GTF3C6: variants seen among roughly 807,000 people sequenced by gnomAD.
GTF3C6 encodes general transcription factor 3C polypeptide 6.
Under a neutral mutation model 19.2 loss-of-function variants are expected in GTF3C6, and 11 were observed. That is an observed-to-expected ratio of 0.57 (90% CI 0.36 to 0.95). GTF3C6 has a LOEUF of 0.95. Among genes scored for constraint, GTF3C6 ranks in the 40% least tolerant of loss-of-function variants. The pLI, the probability that GTF3C6 is intolerant of heterozygous loss-of-function variation, is 0.01. For missense variants in GTF3C6, 222 were observed against 254.7 expected (o/e 0.87, Z 0.87); for synonymous variants, 87 against 84.2 (o/e 1.03, Z -0.18).
At chr6:110,959,752 G>A (rs1286291432) in intron 2 of GTF3C6, among the ~76,000 whole-genome samples, 1 of 152,160 alleles carries the variant, frequency 6.6e-6, no homozygotes. Context: ...GAGCCCAGGA[G>A]TTCGAGACCA....
chr6:110,959,380 A>G (rs1461850985), intron 2 of GTF3C6, 128 bp downstream of exon 2: 2 of 636,396 alleles, frequency 3.1e-6, no homozygotes, highest in Non-Finnish European at 2.8e-6. Context: ...AACTCTAAGG[A>G]TAAGAAGTAT....
At chr6:110,966,386 A>G (rs1460722507) in intron 5 of GTF3C6, among the ~76,000 whole-genome samples, 1 of 152,090 alleles carries the variant, frequency 6.6e-6, no homozygotes, top group African/African-American at 2.4e-5. Context: ...CTGAGGTGGG[A>G]GAATTGCTTG....
chr6:110,962,389 C>A lies in GTF3C6; in HGVS notation c.248-3C>A. The A allele has an allele frequency of 6.8e-7, 1 of 1,470,968 alleles. No individual in the cohort carries two copies. The highest frequency in any genetic ancestry group is 9.5e-7 in the Non-Finnish European group (1 of 1,051,620). The allele number at this position is 1,470,968 out of a possible 1,614,324, so 91.1% of individuals were successfully genotyped here. A position where few individuals can be genotyped will look rare whatever the true frequency, so the allele number is the denominator to read the frequency against. On this transcript the variant is annotated splice_polypyrimidine_tract_variant and splice_region_variant and intron_variant, in intron 4 of 5. Coordinates refer to ENST00000329970, the MANE Select transcript of GTF3C6 (RefSeq NM_138408.4). ...ATAATAATGTTGTTCATTTCTGTTC[C>A]AGCTGATACAGAAGGCAATAATAAA...
intron 5 of GTF3C6, among the ~76,000 whole-genome samples, chr6:110,966,333 C>G (rs1771229120): frequency 6.6e-6 from 1 of 152,028 alleles, no homozygotes. Flanking sequence ...AAAAATTAGC[C>G]AGGTATGGTG....
intron 5 of GTF3C6, among the ~76,000 whole-genome samples, chr6:110,963,645 C>T (rs1226205623): frequency 1.3e-5 from 2 of 151,336 alleles, no homozygotes; most frequent in Non-Finnish European, 2.9e-5. Context: ...GTGAAATCCC[C>T]TGGAAACTTC....
intron 5 of GTF3C6, among the ~76,000 whole-genome samples, chr6:110,964,278 T>TC (rs1261961130): frequency 1.3e-5 from 2 of 151,866 alleles, no homozygotes; most frequent in African/African-American, 4.8e-5. Context: ...GGAGTTTCAC[T>TC]CCGTCGCCCA....
intron 5 of GTF3C6, among the ~76,000 whole-genome samples, chr6:110,966,621 G>A (rs1771232369): frequency 6.6e-6 from 1 of 152,178 alleles, no homozygotes; most frequent in African/African-American, 2.4e-5. Context: ...CTACATGCTG[G>A]AGGCAAAACA....
intron 5 of GTF3C6, among the ~76,000 whole-genome samples, chr6:110,966,881 G>A (rs538680491): frequency 9.9e-5 from 15 of 152,260 alleles, no homozygotes; most frequent in Admixed American, 6.5e-4. Flanking sequence ...ATAACCAGGC[G>A]CAGTGGGTCA....
intron 5 of GTF3C6, among the ~76,000 whole-genome samples, chr6:110,966,969 CAT>C (rs1366150286): frequency 6.6e-6 from 1 of 152,010 alleles, no homozygotes; most frequent in Admixed American, 6.6e-5. Context: ...GCCTGGCCAA[CAT>C]AGTGAAATTC....
chr6:110,962,361 A>G, intron 4 of GTF3C6, 31 bp from the exon 5 acceptor site: 1 of 1,124,796 alleles, frequency 8.9e-7, no homozygotes, highest in Non-Finnish European at 1.3e-6. Flanking sequence ...TGGCATAAGA[A>G]GTATAATAAT....
At position 110,958,794 on chromosome 6, in the gene GTF3C6, A is replaced by C. The variant is rs998296237; in HGVS notation, c.25A>C (p.Ser9Arg). MAAAADER[S>R]PEDGEDEEEE... The stretch of plus-strand genomic sequence containing the variant: ...CATGGCGGCGGCGGCGGACGAGCGG[A>C]GTCCAGAGGACGGAGAAGACGAGGA... The change falls in exon 1 of 6, where the codon AGT (serine) becomes CGT (arginine). Residue 9 changes from serine to arginine, a missense_variant. Coordinates refer to ENST00000329970, the MANE Select transcript of GTF3C6 (RefSeq NM_138408.4). The C allele has an allele frequency of 3.4e-5, 53 of 1,551,082 alleles. 2 individuals are homozygous for C. Among genetic ancestry groups the C allele is most frequent in the Middle Eastern group, 1.7e-4 (1 of 5,904 alleles).
At position 110,960,407 on chromosome 6, in the gene GTF3C6, G is replaced by T. The variant is rs201447920; in HGVS notation, c.139-7G>T. 6.2e-7 allele frequency: 1 copy of T among 1,607,330 alleles called. No homozygotes were observed. Among genetic ancestry groups the T allele is most frequent in the Non-Finnish European group, 8.5e-7 (1 of 1,176,482 alleles). On this transcript the variant is annotated splice_polypyrimidine_tract_variant and splice_region_variant and intron_variant, in intron 2 of 5. Transcript: ENST00000329970. Reference sequence around the variant, plus strand: ...TTTTTTTTTTATGATCCTTTATTCTGTTGTAGGGCATTGACACTGAGAGGC... The same window carrying T: ...TTTTTTTTTTATGATCCTTTATTCTTTTGTAGGGCATTGACACTGAGAGGC...
At chr6:110,961,157 C>CT (rs879597719) in intron 4 of GTF3C6, among the ~76,000 whole-genome samples, 114 of 145,482 alleles carry the variant, frequency 7.8e-4, no homozygotes, top group African/African-American at 9.5e-4. Context: ...CTCCTGAATT[C>CT]TTTTTTTTTT....
At position 110,960,405 on chromosome 6, in the gene GTF3C6, C is replaced by G. The variant is rs779833348; in HGVS notation, c.139-9C>G. 56 of 1,592,696 alleles carry G rather than the reference C, an allele frequency of 3.5e-5. No individual in the cohort carries two copies. The highest frequency in any genetic ancestry group is 4.8e-5 in the Non-Finnish European group (56 of 1,171,398). ...TGTTTTTTTTTTATGATCCTTTATT[C>G]TGTTGTAGGGCATTGACACTGAGAG... is the stretch of plus-strand genomic sequence containing the variant. On this transcript the variant is annotated splice_polypyrimidine_tract_variant and intron_variant, in intron 2 of 5. Coordinates refer to ENST00000329970, the MANE Select transcript of GTF3C6 (RefSeq NM_138408.4).
rs1771138355 is a variant in GTF3C6, at chr6:110,959,970, A to AT, written c.139-444_139-443insT. ...CAAAACTCCATCTCAATAAAAAAAA[A>AT]AAATAATAATAATAATAAATTAGCT... On this transcript the variant is annotated intron_variant, in intron 2 of 5. Coordinates refer to ENST00000329970, the MANE Select transcript of GTF3C6 (RefSeq NM_138408.4). Among the ~76,000 whole-genome samples, 13 of 151,978 alleles carry AT rather than the reference A, an allele frequency of 8.6e-5. No homozygotes were observed. The Admixed American group carries it at 8.6e-4, about 10-fold the overall frequency.
At chr6:110,960,050 G>C (rs967629592) in intron 2 of GTF3C6, among the ~76,000 whole-genome samples, 2 of 152,140 alleles carry the variant, frequency 1.3e-5, no homozygotes, top group South Asian at 4.1e-4. Context: ...GAGGTGGGAG[G>C]ATTGCCTGAA....
At chr6:110,961,019 C>T (rs1057489646) in intron 4 of GTF3C6, among the ~76,000 whole-genome samples, 1 of 151,954 alleles carries the variant, frequency 6.6e-6, no homozygotes, top group African/African-American at 2.4e-5. Context: ...GCACTTCAGC[C>T]TGGGCAACAG....
intron 1 of GTF3C6, 116 bp from the exon 2 acceptor site, chr6:110,959,030 GAAGTTACCTTAGGTAGCGTAGTTTCC>G (rs1771123393): frequency 1.2e-6 from 1 of 826,546 alleles, no homozygotes; most frequent in Non-Finnish European, 2.0e-6. Flanking sequence ...GAAGTACCGG[GAAGTTACCTTAGGTAGCGTAGTTTCC>G]TCTTGCTGAA....
intron 1 of GTF3C6, 75 bp downstream of exon 1, chr6:110,958,901 T>A: frequency 2.0e-6 from 3 of 1,473,378 alleles, no homozygotes; most frequent in South Asian, 2.5e-5. Context: ...GGGAAGGGAG[T>A]TGGGGAGCTG....
Sources: gnomAD v4.1 joint callset for allele counts (sites outside exome capture counted in the v4.1 genomes callset) on GRCh38, gnomAD v4.1.1 for gene constraint, MANE v1.5 for transcripts, NCBI Gene and HGNC (gene_info 2026-07-23, HGNC 2026-07-21) for gene names.